Variants in CDH12 observed in about 807,000 individuals in gnomAD.
The protein encoded by CDH12 is cadherin-12.
In CDH12, 41 loss-of-function variants were observed where a neutral mutation model predicts 74.1. That is an observed-to-expected ratio of 0.55 (90% CI 0.43 to 0.72). The LOEUF is 0.72. Among genes scored for constraint, CDH12 ranks in the 30% least tolerant of loss-of-function variants. The pLI is 0.00. For synonymous variants in CDH12, 399 were observed against 355.0 expected (o/e 1.12, Z -1.39); for missense variants, 945 against 977.2 (o/e 0.97, Z 0.44).
Position 22,362,714 on chromosome 5 carries a change from A to G in CDH12, c.-333+42543T>C, listed in dbSNP as rs1161543559. On this transcript the variant is annotated intron_variant, in intron 3 of 14. Coordinates refer to ENST00000382254, the MANE Select transcript of CDH12 (RefSeq NM_004061.5). ...CATCAATGATAGACTGGATTAAGAA[A>G]ATGTGGCACATATATACCATGGAAT... 3.9e-5 allele frequency among the ~76,000 whole-genome samples: 6 copies of G among 152,082 alleles called. No individual in the cohort carries two copies. The East Asian group carries it at 1.2e-3, about 29-fold the overall frequency.
chr5:22,021,660 T>C (rs1020438484), intron 5 of CDH12, among the ~76,000 whole-genome samples: 1 of 152,222 alleles, frequency 6.6e-6, no homozygotes, highest in South Asian at 2.1e-4. Flanking sequence ...AATACTTTAT[T>C]ATAAAATAGG....
At chr5:21,756,551 T>A (rs925669200) in intron 13 of CDH12, among the ~76,000 whole-genome samples, 5 of 152,194 alleles carry the variant, frequency 3.3e-5, no homozygotes, top group Admixed American at 2.6e-4. Context: ...TTACTATTTT[T>A]ATATAAATGC....
At chr5:21,936,788 G>T (rs550771376) in intron 6 of CDH12, among the ~76,000 whole-genome samples, 66 of 152,214 alleles carry the variant, frequency 4.3e-4, no homozygotes, top group Admixed American at 3.5e-3. Flanking sequence ...TGCTGTTCTT[G>T]TGATAGTGAG....
intron 3 of CDH12, among the ~76,000 whole-genome samples, chr5:22,349,809 A>G (rs1740283242): frequency 6.6e-6 from 1 of 152,102 alleles, no homozygotes; most frequent in East Asian, 1.9e-4. Context: ...ATCTCGGCTC[A>G]CTGCAAGCTC....
chr5:22,775,196 G>T lies in CDH12; in HGVS notation c.-523+77862C>A, dbSNP rs1012232698. Among the ~76,000 whole-genome samples, 29 of 152,090 alleles carry T rather than the reference G, an allele frequency of 1.9e-4. 1 individual carries two copies. The highest frequency in any genetic ancestry group is 6.5e-4 in the African/African-American group (27 of 41,478). Reference sequence around the variant, plus strand: ...GTAAGTGAAATTTTGACCTAGTTGTGCTTGGATGCATCAGCCTGGACAGCA... The same window carrying T: ...GTAAGTGAAATTTTGACCTAGTTGTTCTTGGATGCATCAGCCTGGACAGCA... On this transcript the variant is annotated intron_variant, in intron 1 of 14. Transcript: ENST00000382254.
chr5:22,299,067 A>T (rs989017011), intron 3 of CDH12, among the ~76,000 whole-genome samples: 1 of 152,210 alleles, frequency 6.6e-6, no homozygotes, highest in Non-Finnish European at 1.5e-5. Context: ...GACTCATTTT[A>T]GAATGTGAGA....
intron 3 of CDH12, among the ~76,000 whole-genome samples, chr5:22,392,417 T>A (rs1048302935): frequency 6.6e-6 from 1 of 152,322 alleles, no homozygotes; most frequent in East Asian, 1.9e-4. Context: ...CCATTAGTAA[T>A]TTTGTGACTT....
chr5:21,776,892 A>G (rs1745620146), intron 11 of CDH12, among the ~76,000 whole-genome samples: 1 of 152,172 alleles, frequency 6.6e-6, no homozygotes, highest in South Asian at 2.1e-4. Context: ...ATAACTACCA[A>G]GTATGTTTTT....
chr5:22,065,125 T>A (rs2150210151), intron 5 of CDH12, among the ~76,000 whole-genome samples: 1 of 152,284 alleles, frequency 6.6e-6, no homozygotes, highest in South Asian at 2.1e-4. Context: ...TGCTGTTACC[T>A]TGCAAGACTG....
At chr5:22,243,382 G>A (rs1752816306) in intron 3 of CDH12, among the ~76,000 whole-genome samples, 1 of 152,066 alleles carries the variant, frequency 6.6e-6, no homozygotes, top group African/African-American at 2.4e-5. Context: ...GAGATTAAGA[G>A]TAAATATAAT....
chr5:21,827,494 T>C (rs964580665), intron 8 of CDH12, among the ~76,000 whole-genome samples: 1 of 152,164 alleles, frequency 6.6e-6, no homozygotes, highest in African/African-American at 2.4e-5. Flanking sequence ...AGAAAACTTA[T>C]TACATCTCTT....
At chr5:22,062,976 CA>C (rs764380520) in intron 5 of CDH12, among the ~76,000 whole-genome samples, 27 of 152,102 alleles carry the variant, frequency 1.8e-4, no homozygotes, top group East Asian at 1.3e-3. Context: ...ACTCAATAAC[CA>C]AATAAAGGAA....
intron 5 of CDH12, among the ~76,000 whole-genome samples, chr5:22,021,166 C>T (rs1737948449): frequency 6.6e-6 from 1 of 152,070 alleles, no homozygotes; most frequent in Non-Finnish European, 1.5e-5. Context: ...GTAACTATAG[C>T]CTGAAGGTCA....
At chr5:22,759,980 C>T (rs993442025) in intron 1 of CDH12, among the ~76,000 whole-genome samples, 25 of 152,120 alleles carry the variant, frequency 1.6e-4, no homozygotes, top group African/African-American at 5.6e-4. Flanking sequence ...GGTCCACCCA[C>T]CTTGTGGATG....
chr5:21,848,503 G>A (rs1750296971), intron 7 of CDH12, among the ~76,000 whole-genome samples: 2 of 151,922 alleles, frequency 1.3e-5, no homozygotes. Flanking sequence ...AAGTTACTGA[G>A]TTTCATTTCA....
intron 1 of CDH12, among the ~76,000 whole-genome samples, chr5:22,851,064 G>A (rs1209256528): frequency 1.3e-5 from 2 of 152,084 alleles, no homozygotes; most frequent in East Asian, 1.9e-4. Context: ...AAAGGACAGA[G>A]TTATATGAGG....
chr5:21,944,193 A>T (rs1363386992), intron 6 of CDH12, among the ~76,000 whole-genome samples: 2 of 152,148 alleles, frequency 1.3e-5, no homozygotes, highest in Non-Finnish European at 2.9e-5. Context: ...CATTATCTTA[A>T]ATATTTTATG....
intron 3 of CDH12, among the ~76,000 whole-genome samples, chr5:22,256,693 T>C (rs1306692716): frequency 6.6e-6 from 1 of 152,048 alleles, no homozygotes; most frequent in Non-Finnish European, 1.5e-5. Flanking sequence ...GATTTGGTGG[T>C]GGAAGATAAT....
At chr5:22,648,177 C>G (rs146898588) in intron 1 of CDH12, among the ~76,000 whole-genome samples, 3 of 151,860 alleles carry the variant, frequency 2.0e-5, no homozygotes, top group Non-Finnish European at 3.0e-5. Flanking sequence ...CAAAAGCACT[C>G]CCTCCACAAG....
Sources: allele counts gnomAD v4.1 joint callset (sites outside exome capture counted in the v4.1 genomes callset), GRCh38; gene constraint gnomAD v4.1.1; transcripts MANE v1.5; gene names NCBI Gene and HGNC (gene_info 2026-07-23, HGNC 2026-07-21).